Variants in PCDH9 observed in about 807,000 individuals in gnomAD.
The protein encoded by PCDH9 is protocadherin-9.
In PCDH9, 24 loss-of-function variants were observed where a neutral mutation model predicts 70.6. That is an observed-to-expected ratio of 0.34 (90% CI 0.25 to 0.48). PCDH9 has a LOEUF of 0.48. PCDH9 is among the 20% of genes least tolerant of loss of function. PCDH9 has a pLI of 0.99. For synonymous variants in PCDH9, 562 were observed against 558.5 expected (o/e 1.01, Z -0.09); for missense variants, 1,281 against 1,503.6 (o/e 0.85, Z 2.45).
chr13:67,094,446 T>C (rs2086280177), intron 2 of PCDH9, among the ~76,000 whole-genome samples: 1 of 152,206 alleles, frequency 6.6e-6, no homozygotes, highest in Non-Finnish European at 1.5e-5. Flanking sequence ...CTGACTTTCA[T>C]GGGATATATT....
intron 2 of PCDH9, among the ~76,000 whole-genome samples, chr13:66,911,465 G>A (rs1237232440): frequency 1.3e-5 from 2 of 152,098 alleles, no homozygotes; most frequent in Non-Finnish European, 2.9e-5. Context: ...ATTTTTATGA[G>A]AATCACAAAT....
At chr13:66,808,932 T>C (rs926586113) in intron 3 of PCDH9, among the ~76,000 whole-genome samples, 3 of 152,164 alleles carry the variant, frequency 2.0e-5, no homozygotes, top group African/African-American at 7.2e-5. Context: ...ATTCTTGTGA[T>C]TTAAAATTTT....
At chr13:66,804,228 T>C (rs1425602647) in intron 3 of PCDH9, among the ~76,000 whole-genome samples, 1 of 152,194 alleles carries the variant, frequency 6.6e-6, no homozygotes, top group Non-Finnish European at 1.5e-5. Context: ...CACTCTCAAA[T>C]AATTCAGCTG....
At chr13:66,420,897 A>G (rs1192468566) in intron 4 of PCDH9, among the ~76,000 whole-genome samples, 1 of 152,110 alleles carries the variant, frequency 6.6e-6, no homozygotes, top group Non-Finnish European at 1.5e-5. Context: ...GAGCTAAAGG[A>G]GCATGTGCTA....
chr13:66,788,043 G>A (rs188798084), intron 3 of PCDH9, among the ~76,000 whole-genome samples: 3 of 152,278 alleles, frequency 2.0e-5, no homozygotes, highest in Admixed American at 6.5e-5. Flanking sequence ...GTACTATACT[G>A]ATATTTAGCA....
At chr13:67,166,964 C>A (rs1383538640) in intron 2 of PCDH9, among the ~76,000 whole-genome samples, 2 of 152,176 alleles carry the variant, frequency 1.3e-5, no homozygotes, top group African/African-American at 4.8e-5. Context: ...GGGTTCTTTA[C>A]ACAGTGCCAT....
At chr13:66,835,281 C>A (rs1415934898) in intron 3 of PCDH9, among the ~76,000 whole-genome samples, 1 of 152,214 alleles carries the variant, frequency 6.6e-6, no homozygotes, top group African/African-American at 2.4e-5. Flanking sequence ...GCTGGAGCTC[C>A]CCTGTGGATG....
At chr13:66,440,847 T>G (rs886713269) in intron 4 of PCDH9, among the ~76,000 whole-genome samples, 3 of 152,174 alleles carry the variant, frequency 2.0e-5, no homozygotes, top group Admixed American at 2.0e-4. Context: ...CTTGCCAGCA[T>G]GCTATTCTAA....
At chr13:66,461,839 G>A (rs1030107269) in intron 4 of PCDH9, among the ~76,000 whole-genome samples, 2 of 151,700 alleles carry the variant, frequency 1.3e-5, no homozygotes, top group African/African-American at 4.8e-5. Context: ...TTTTTCTTTT[G>A]TTATTTAAAA....
intron 2 of PCDH9, among the ~76,000 whole-genome samples, chr13:66,994,142 A>C (rs1026400335): frequency 2.6e-5 from 4 of 152,200 alleles, no homozygotes; most frequent in African/African-American, 9.6e-5. Context: ...TCTGGCACAG[A>C]GCCCTATGGA....
At chr13:66,338,756 G>A (rs973033075) in intron 4 of PCDH9, among the ~76,000 whole-genome samples, 1 of 151,796 alleles carries the variant, frequency 6.6e-6, no homozygotes, top group Non-Finnish European at 1.5e-5. Flanking sequence ...TAACTGACTT[G>A]TTCAATTCTA....
chr13:66,363,340 T>A (rs954669758), intron 4 of PCDH9, among the ~76,000 whole-genome samples: 2 of 152,220 alleles, frequency 1.3e-5, no homozygotes, highest in Admixed American at 6.5e-5. Context: ...TTCTCTTGTA[T>A]CTTTTTAGTT....
intron 3 of PCDH9, among the ~76,000 whole-genome samples, chr13:66,861,809 G>A (rs1205814860): frequency 6.6e-6 from 1 of 151,964 alleles, no homozygotes; most frequent in Non-Finnish European, 1.5e-5. Context: ...AAATAGTGCC[G>A]ACATTATACT....
chr13:66,700,323 G>GGTCCTGCAGAAAAAAACCAGT (rs2078621358), intron 3 of PCDH9, among the ~76,000 whole-genome samples: 1 of 152,080 alleles, frequency 6.6e-6, no homozygotes, highest in African/African-American at 2.4e-5. Flanking sequence ...GCCGACAAGA[G>GGTCCTGCAGAAAAAAACCAGT]GTCCTGCAGA....
intron 3 of PCDH9, among the ~76,000 whole-genome samples, chr13:66,673,116 C>T (rs758500947): frequency 1.3e-5 from 2 of 152,128 alleles, no homozygotes; most frequent in African/African-American, 2.4e-5. Flanking sequence ...GGTCTCCACC[C>T]AAATCTCATC....
intron 2 of PCDH9, among the ~76,000 whole-genome samples, chr13:66,995,559 T>TAA (rs2084096644): frequency 6.6e-6 from 1 of 152,134 alleles, no homozygotes; most frequent in African/African-American, 2.4e-5. Flanking sequence ...TGAGGTTGGG[T>TAA]TAGGAAGTTA....
chr13:66,670,022 G>C (rs996157192), intron 3 of PCDH9, among the ~76,000 whole-genome samples: 5 of 152,050 alleles, frequency 3.3e-5, no homozygotes, highest in African/African-American at 1.2e-4. Context: ...GGACTTCCTT[G>C]AACACCATAT....
chr13:66,625,140 ACTT>A (rs2077481998), intron 4 of PCDH9, among the ~76,000 whole-genome samples: 1 of 152,148 alleles, frequency 6.6e-6, no homozygotes, highest in Non-Finnish European at 1.5e-5. Flanking sequence ...ATCAATGATA[ACTT>A]TCTTTTAACA....
At chr13:67,169,240 T>G (rs1361219934) in intron 2 of PCDH9, among the ~76,000 whole-genome samples, 5 of 152,212 alleles carry the variant, frequency 3.3e-5, no homozygotes, top group African/African-American at 7.2e-5. Context: ...ACTATATAAT[T>G]GTTGAAAATC....
Sources: gnomAD v4.1 joint callset for allele counts (sites outside exome capture counted in the v4.1 genomes callset) on GRCh38, gnomAD v4.1.1 for gene constraint, MANE v1.5 for transcripts, NCBI Gene and HGNC (gene_info 2026-07-23, HGNC 2026-07-21) for gene names.